Variants in STXBP5L observed in about 807,000 individuals in gnomAD.
The protein encoded by STXBP5L is syntaxin binding protein 5L, also known as syntaxin-binding protein 5-like.
In STXBP5L, 65 loss-of-function variants were observed where a neutral mutation model predicts 144.5. The observed-to-expected ratio is 0.45, with a 90% CI of 0.37 to 0.55. The LOEUF (loss-of-function observed/expected upper bound fraction) is 0.55, where lower values mean the gene tolerates loss of function less well. STXBP5L is among the 20% of genes least tolerant of loss of function. The pLI is 0.00. For synonymous variants in STXBP5L, 505 were observed against 469.6 expected (o/e 1.08, Z -0.97); for missense variants, 1,298 against 1,405.5 (o/e 0.92, Z 1.22).
chr3:121,042,787 T>C (rs1423176197), intron 4 of STXBP5L, among the ~76,000 whole-genome samples: 1 of 152,080 alleles, frequency 6.6e-6, no homozygotes, highest in Non-Finnish European at 1.5e-5. Context: ...ATCCTCTTTA[T>C]TGACAAACGT....
rs565857714 is a variant in STXBP5L at position 121,046,198 on chromosome 3, A to G, written c.470+663A>G. ...TTTGTGATTATTGAACCAACCTTGC[A>G]TCCTGGGATAAAGCCTGCTTGAGTG... On this transcript the variant is annotated intron_variant, in intron 5 of 26. Coordinates refer to ENST00000471454, the MANE Select transcript of STXBP5L (RefSeq NM_001308330.2). 9.7e-4 allele frequency among the ~76,000 whole-genome samples: 147 copies of G among 152,274 alleles called. 1 individual carries two copies. The highest frequency in any genetic ancestry group is 3.1e-3 in the African/African-American group (130 of 41,564).
intron 7 of STXBP5L, among the ~76,000 whole-genome samples, chr3:121,126,540 A>T (rs1308716309): frequency 6.6e-6 from 1 of 152,156 alleles, no homozygotes; most frequent in African/African-American, 2.4e-5. Flanking sequence ...GTGATTAGGG[A>T]CTAATCTTTC....
intron 19 of STXBP5L, among the ~76,000 whole-genome samples, chr3:121,300,172 C>A (rs2051832141): frequency 6.6e-6 from 1 of 151,978 alleles, no homozygotes; most frequent in African/African-American, 2.4e-5. Flanking sequence ...ATAATGACGT[C>A]TTTTAAGTGC....
At chr3:121,049,601 G>T (rs1380787385) in intron 5 of STXBP5L, 1 of 154,454 alleles carries the variant, frequency 6.5e-6, no homozygotes, top group Admixed American at 6.5e-5. Context: ...CCTGATCCGA[G>T]AATTCTGGTA....
intron 5 of STXBP5L, among the ~76,000 whole-genome samples, chr3:121,105,050 A>C (rs1261029485): frequency 1.3e-5 from 2 of 152,144 alleles, no homozygotes; most frequent in Non-Finnish European, 2.9e-5. Flanking sequence ...AAAAATAAAA[A>C]CAAATAATCC....
intron 5 of STXBP5L, among the ~76,000 whole-genome samples, chr3:121,092,079 T>G (rs1329466701): frequency 3.9e-5 from 6 of 152,182 alleles, no homozygotes; most frequent in Admixed American, 2.0e-4. Flanking sequence ...AAAGATCAGA[T>G]AGTTGTAGAT....
intron 22 of STXBP5L, among the ~76,000 whole-genome samples, chr3:121,397,823 A>G (rs1345856859): frequency 3.9e-5 from 6 of 152,240 alleles, no homozygotes; most frequent in Admixed American, 3.9e-4. Flanking sequence ...AATGCAAAAT[A>G]TAACTACTTT....
At chr3:121,144,954 G>A (rs2045658161) in intron 7 of STXBP5L, among the ~76,000 whole-genome samples, 1 of 151,896 alleles carries the variant, frequency 6.6e-6, no homozygotes, top group Admixed American at 6.6e-5. Context: ...ATCTAAAATA[G>A]TCATATATAT....
intron 3 of STXBP5L, among the ~76,000 whole-genome samples, chr3:121,039,615 A>T (rs1018338921): frequency 2.0e-5 from 3 of 151,754 alleles, no homozygotes; most frequent in African/African-American, 7.3e-5. Flanking sequence ...CATTCCTTTT[A>T]GTGCAGGTCT....
intron 20 of STXBP5L, among the ~76,000 whole-genome samples, chr3:121,331,026 G>A (rs1485378751): frequency 6.6e-6 from 1 of 152,208 alleles, no homozygotes; most frequent in Non-Finnish European, 1.5e-5. Flanking sequence ...AAGCGTGGCA[G>A]CCCCACAGGG....
At chr3:121,392,770 CATAT>C (rs71133531) in intron 22 of STXBP5L, among the ~76,000 whole-genome samples, 7,692 of 112,116 alleles carry the variant, frequency 0.069, 265 homozygotes, top group Middle Eastern at 0.1. Flanking sequence ...TATTTCATGG[CATAT>C]ATATATATAT....
At chr3:121,122,039 T>C (rs1423313568) in intron 7 of STXBP5L, among the ~76,000 whole-genome samples, 2 of 151,076 alleles carry the variant, frequency 1.3e-5, no homozygotes, top group Non-Finnish European at 3.0e-5. Context: ...TTACTCAGTT[T>C]GGTAATGAAA....
chr3:121,084,368 C>T (rs2042389942), intron 5 of STXBP5L, among the ~76,000 whole-genome samples: 1 of 152,130 alleles, frequency 6.6e-6, no homozygotes, highest in African/African-American at 2.4e-5. Flanking sequence ...TCCCCGCCTA[C>T]CCTCAACAGG....
chr3:121,403,866 C>G (rs1388606470), intron 22 of STXBP5L, among the ~76,000 whole-genome samples: 2 of 152,156 alleles, frequency 1.3e-5, no homozygotes, highest in Admixed American at 1.3e-4. Context: ...TACCTTCTAG[C>G]TATTCCTTCT....
At chr3:120,985,612 C>G (rs934759183) in intron 3 of STXBP5L, among the ~76,000 whole-genome samples, 9 of 151,616 alleles carry the variant, frequency 5.9e-5, no homozygotes, top group Middle Eastern at 3.4e-3. Context: ...TGTTGTAGGT[C>G]TATTCAGATT....
At chr3:120,942,730 A>G (rs1710633234) in intron 2 of STXBP5L, among the ~76,000 whole-genome samples, 1 of 151,410 alleles carries the variant, frequency 6.6e-6, no homozygotes, top group Non-Finnish European at 1.5e-5. Flanking sequence ...ATTTATATGC[A>G]TTATTTCAAT....
chr3:120,990,762 A>T (rs1002065905), intron 3 of STXBP5L, among the ~76,000 whole-genome samples: 2 of 152,204 alleles, frequency 1.3e-5, no homozygotes, highest in African/African-American at 4.8e-5. Flanking sequence ...GATGCTGGGA[A>T]AACTGGCTAG....
intron 22 of STXBP5L, among the ~76,000 whole-genome samples, chr3:121,383,292 A>G (rs2046359260): frequency 6.6e-6 from 1 of 151,976 alleles, no homozygotes; most frequent in African/African-American, 2.4e-5. Context: ...TTTAAAAATT[A>G]GCCAGGCATG....
chr3:121,349,060 T>A (rs1179811750), intron 20 of STXBP5L, among the ~76,000 whole-genome samples: 1 of 152,082 alleles, frequency 6.6e-6, no homozygotes, highest in Non-Finnish European at 1.5e-5. Context: ...AGGGTGTCAG[T>A]TTTAGATATT....
Sources: allele counts gnomAD v4.1 joint callset (sites outside exome capture counted in the v4.1 genomes callset), GRCh38; gene constraint gnomAD v4.1.1; transcripts MANE v1.5; gene names NCBI Gene and HGNC (gene_info 2026-07-23, HGNC 2026-07-21).